MICU1: variants seen among roughly 807,000 people sequenced by gnomAD.
MICU1 encodes calcium uptake protein 1, mitochondrial.
Under a neutral mutation model 56.8 loss-of-function variants are expected in MICU1, and 45 were observed. The observed-to-expected ratio is 0.79, with a 90% confidence interval of 0.62 to 1.02. MICU1 has a LOEUF of 1.02. Ranked by LOEUF, MICU1 falls within the 50% of genes least tolerant of loss-of-function variation. The probability of loss-of-function intolerance (pLI) is 0.00; values close to 1 mark genes in which losing one functional copy is unlikely to be tolerated. For missense variants in MICU1, 504 were observed against 587.1 expected (o/e 0.86, Z 1.46); for synonymous variants, 186 against 195.1 (o/e 0.95, Z 0.39).
intron 9 of MICU1, among the ~76,000 whole-genome samples, chr10:72,409,487 T>A (rs1033314173): frequency 1.3e-5 from 2 of 152,098 alleles, no homozygotes; most frequent in Non-Finnish European, 2.9e-5. Context: ...TTGAGCTCAG[T>A]GACCAGCCTA....
At chr10:72,591,279 A>C (rs1841217281) in intron 1 of MICU1, among the ~76,000 whole-genome samples, 1 of 152,174 alleles carries the variant, frequency 6.6e-6, no homozygotes, top group South Asian at 2.1e-4. Flanking sequence ...AAAGCACAAG[A>C]AAGATCACAG....
intron 1 of MICU1, among the ~76,000 whole-genome samples, chr10:72,611,677 T>A (rs914955590): frequency 3.9e-5 from 6 of 151,928 alleles, no homozygotes; most frequent in African/African-American, 1.2e-4. Context: ...TGACGAGAGG[T>A]ACATGGTCTG....
intron 7 of MICU1, chr10:72,475,718 C>T (rs914325404): frequency 3.0e-5 from 11 of 372,872 alleles, no homozygotes; most frequent in Middle Eastern, 3.8e-4. Context: ...AGTGAGCCAC[C>T]GCGCCCAGCC....
intron 1 of MICU1, among the ~76,000 whole-genome samples, chr10:72,572,879 A>G (rs902534484): frequency 1.3e-5 from 2 of 152,182 alleles, no homozygotes; most frequent in African/African-American, 4.8e-5. Context: ...TATGGTGGGC[A>G]ATTTGGTAAT....
chr10:72,392,928 G>A (rs991328327), intron 10 of MICU1, among the ~76,000 whole-genome samples: 1 of 152,250 alleles, frequency 6.6e-6, no homozygotes, highest in Non-Finnish European at 1.5e-5. Flanking sequence ...AAGGCTAGCT[G>A]AGTGCATGCT....
intron 4 of MICU1, among the ~76,000 whole-genome samples, chr10:72,546,344 C>T (rs1839893264): frequency 6.6e-6 from 1 of 152,216 alleles, no homozygotes; most frequent in African/African-American, 2.4e-5. Flanking sequence ...TGAACTGTAA[C>T]CTAACTGCGT....
chr10:72,370,068 T>TG (rs1460311118), intron 11 of MICU1, among the ~76,000 whole-genome samples: 8 of 152,210 alleles, frequency 5.3e-5, no homozygotes, highest in South Asian at 2.1e-4. Context: ...TTAGTAGAGA[T>TG]GGGTTTCACC....
intron 6 of MICU1, among the ~76,000 whole-genome samples, chr10:72,497,182 C>T (rs141750731): frequency 0.016 from 2,455 of 152,172 alleles, 24 homozygotes; most frequent in Non-Finnish European, 0.025. Flanking sequence ...GCCTCAGCCT[C>T]CTGAGTAGCT....
intron 1 of MICU1, among the ~76,000 whole-genome samples, chr10:72,568,846 G>A (rs1226367055): frequency 1.3e-5 from 2 of 148,490 alleles, no homozygotes; most frequent in Admixed American, 6.9e-5. Flanking sequence ...TCCACCTCCC[G>A]GGTTCAAGCG....
chr10:72,547,529 A>ATATG (rs943508661), intron 4 of MICU1, among the ~76,000 whole-genome samples: 2 of 91,936 alleles, frequency 2.2e-5, no homozygotes, highest in Non-Finnish European at 5.2e-5. Context: ...ATATATACAC[A>ATATG]TATGTATATA....
At chr10:72,442,569 T>A (rs1414130530) in intron 8 of MICU1, among the ~76,000 whole-genome samples, 2 of 152,226 alleles carry the variant, frequency 1.3e-5, no homozygotes, top group African/African-American at 4.8e-5. Flanking sequence ...AAAAGACGAC[T>A]TGTTTTATGC....
At chr10:72,429,102 T>C (rs1199801600) in intron 8 of MICU1, among the ~76,000 whole-genome samples, 1 of 152,178 alleles carries the variant, frequency 6.6e-6, no homozygotes, top group Non-Finnish European at 1.5e-5. Context: ...AAGAAATTAG[T>C]ACAGAGTTTG....
At chr10:72,562,070 T>C (rs1378623109) in intron 3 of MICU1, among the ~76,000 whole-genome samples, 6 of 150,214 alleles carry the variant, frequency 4.0e-5, no homozygotes, top group South Asian at 2.1e-4. Context: ...CCTGATATCA[T>C]AGGAACTGCT....
chr10:72,621,597 GTATT>G (rs1842107243), intron 1 of MICU1, among the ~76,000 whole-genome samples: 1 of 152,000 alleles, frequency 6.6e-6, no homozygotes, highest in African/African-American at 2.4e-5. Flanking sequence ...TCCACAACAT[GTATT>G]TAAATATTTA....
chr10:72,434,779 T>A (rs1269145089), intron 8 of MICU1, among the ~76,000 whole-genome samples: 3 of 152,236 alleles, frequency 2.0e-5, no homozygotes, highest in African/African-American at 7.2e-5. Context: ...CACTCTGGGA[T>A]CTACTGCTTA....
intron 1 of MICU1, among the ~76,000 whole-genome samples, chr10:72,594,182 A>T (rs1287934350): frequency 6.6e-6 from 1 of 152,248 alleles, no homozygotes; most frequent in East Asian, 1.9e-4. Context: ...GACCAATGGA[A>T]TAAAGTCCAG....
chr10:72,427,733 A>AATATATAT lies in MICU1; in HGVS notation c.934-4370_934-4363dup, dbSNP rs58696519. ...TCAGCATCATAGACCCCATCTCTAA[A>AATATATAT]ATATATATATATATATATATATATA... On this transcript the variant is annotated intron_variant, in intron 8 of 11. Transcript: ENST00000361114. Among the ~76,000 whole-genome samples, 291 of 136,212 alleles carry AATATATAT rather than the reference A, an allele frequency of 2.1e-3. 2 individuals are homozygous for AATATATAT. The highest frequency in any genetic ancestry group is 8.7e-3 in the East Asian group (27 of 3,102). 89.4% of individuals were successfully genotyped at this position (136,212 alleles called of 152,430 possible).
intron 4 of MICU1, among the ~76,000 whole-genome samples, chr10:72,541,391 C>T (rs893422359): frequency 4.6e-5 from 7 of 152,276 alleles, no homozygotes; most frequent in African/African-American, 1.7e-4. Flanking sequence ...CTTGTGACTT[C>T]CCCAACTGCT....
intron 4 of MICU1, among the ~76,000 whole-genome samples, chr10:72,536,946 CT>C (rs1159542445): frequency 6.6e-6 from 1 of 152,000 alleles, no homozygotes; most frequent in African/African-American, 2.4e-5. Flanking sequence ...CCCAGAATAA[CT>C]CAAAATGTAA....
Sources: gnomAD v4.1 joint callset for allele counts (sites outside exome capture counted in the v4.1 genomes callset) on GRCh38, gnomAD v4.1.1 for gene constraint, MANE v1.5 for transcripts, NCBI Gene and HGNC (gene_info 2026-07-23, HGNC 2026-07-21) for gene names.